Variants in SORBS3 observed in about 807,000 individuals in gnomAD.
The protein encoded by SORBS3 is vinexin.
Under a neutral mutation model 98.0 loss-of-function variants are expected in SORBS3, and 69 were observed. The ratio of observed to expected loss-of-function variants is 0.70; its 90% confidence interval spans 0.58 to 0.86. SORBS3 has a LOEUF of 0.86. Among genes scored for constraint, SORBS3 ranks in the 40% least tolerant of loss-of-function variants. The pLI is 0.00. For missense variants in SORBS3, 954 were observed against 908.5 expected (o/e 1.05, Z -0.64); for synonymous variants, 394 against 355.4 (o/e 1.11, Z -1.22).
At chr8:22,551,538 G>C (rs187939607), upstream of SORBS3, among the ~76,000 whole-genome samples, 1,201 of 152,176 alleles carry the variant, frequency 7.9e-3, 21 homozygotes, top group African/African-American at 0.027. This position sits in a 1 kb window ranked among gnomAD's most constrained non-coding sequence, Gnocchi z 5.8. Flanking sequence ...AGTGGCCCGT[G>C]TCGGGCCGCC....
At chr8:22,567,842 CTCTT>C (rs1379175377) in intron 16 of SORBS3, among the ~76,000 whole-genome samples, 1 of 140,220 alleles carries the variant, frequency 7.1e-6, no homozygotes, top group African/African-American at 2.7e-5. Flanking sequence ...GTGATGTCTT[CTCTT>C]TCTTTTTTTT....
At chr8:22,558,246 G>A (rs1840225563) in intron 5 of SORBS3, 54 bp downstream of exon 5, 2 of 1,537,058 alleles carry the variant, frequency 1.3e-6, no homozygotes, top group African/African-American at 1.4e-5. Context: ...TGGCCCCTGG[G>A]GCTTGGAGAG....
chr8:22,551,171 C>T (rs1840073315), upstream of SORBS3, among the ~76,000 whole-genome samples: 1 of 151,992 alleles, frequency 6.6e-6, no homozygotes, highest in African/African-American at 2.4e-5. This position sits in a 1 kb window ranked among gnomAD's most constrained non-coding sequence, Gnocchi z 5.8. Context: ...GCGGCACGCC[C>T]GGGGGGGCCG....
chr8:22,564,438 C>G, intron 9 of SORBS3, 30 bp from the exon 10 acceptor site: 1 of 1,614,078 alleles, frequency 6.2e-7, no homozygotes, highest in Non-Finnish European at 8.5e-7. Context: ...GTGAGTTCAC[C>G]TGCTCTGACA....
At position 22,565,344 on chromosome 8, in the gene SORBS3, C is replaced by A; in HGVS notation, c.893C>A (p.Pro298Gln). 3 of 1,553,516 alleles carry A rather than the reference C, an allele frequency of 1.9e-6. No homozygotes were observed. Among genetic ancestry groups the A allele is most frequent in the Middle Eastern group, 1.7e-4 (1 of 5,776 alleles). The change falls in exon 11 of 21, where the codon CCG (proline) becomes CAG (glutamine). Residue 298 changes from proline to glutamine, a missense_variant. Physicochemically the swap from Pro to Gln is moderately conservative, Grantham distance 76. Coordinates refer to ENST00000240123, the MANE Select transcript of SORBS3 (RefSeq NM_005775.5). ...KDLRAIETRLPSPKSSPAPRR... is the reference protein window; with the variant it reads ...KDLRAIETRLQSPKSSPAPRR... ...CTGCGGGCAATTGAGACCCGACTGC[C>A]GTCCCCCAAGGTACCAGCCCCCAGG...
Position 22,574,810 on chromosome 8 carries a change from CAT to C in SORBS3, c.*83_*84del. The C allele has an allele frequency of 3.8e-6, 5 of 1,332,102 alleles. No individual in the cohort carries two copies. The highest frequency in any genetic ancestry group is 5.4e-6 in the Non-Finnish European group (5 of 924,578). The allele number at this position is 1,332,102 out of a possible 1,614,324, so 82.5% of individuals were successfully genotyped here. A position where few individuals can be genotyped will look rare whatever the true frequency, so the allele number is the denominator to read the frequency against. On this transcript the variant is annotated 3_prime_UTR_variant, in exon 21 of 21. Coordinates refer to ENST00000240123, the MANE Select transcript of SORBS3 (RefSeq NM_005775.5). ...GTGGGAGGGAGAGGACCCCCGCCCA[CAT>C]CCTCCTTCCCCAGGACCTGAGCTCC...
In SORBS3 at chr8:22,569,171, T is replaced by G. The variant is rs774997360; in HGVS notation, c.1329T>G (p.Pro443=). 3 of 1,610,500 alleles carry G rather than the reference T, an allele frequency of 1.9e-6. No homozygotes were observed. The highest frequency in any genetic ancestry group is 2.5e-6 in the Non-Finnish European group (3 of 1,178,212). Residue 443 remains proline, a synonymous_variant, in exon 17 of 21, where the codon CCT becomes CCG. Transcript: ENST00000240123. ...YVEVLPADEI[P]KPIKPPTYQV... is the part of the protein sequence containing the mutation. ...AGGTGCTGCCCGCAGATGAGATCCC[T>G]AAGCCCATCAAGCCCCCGACCTACC...
Position 22,565,885 on chromosome 8 carries a change from C to T in SORBS3, c.950+13C>T. ...GGCCCCCGGCCGGGTGAGTGGGAGACGCGGGAGGAGGAAGGGGGCTGTCCC... is the reference window on the plus strand; with the variant it reads ...GGCCCCCGGCCGGGTGAGTGGGAGATGCGGGAGGAGGAAGGGGGCTGTCCC... On this transcript the variant is annotated intron_variant, in intron 12 of 20. Coordinates refer to ENST00000240123, the MANE Select transcript of SORBS3 (RefSeq NM_005775.5). 1.0e-5 allele frequency: 13 copies of T among 1,249,500 alleles called. No individual in the cohort carries two copies. Among genetic ancestry groups the T allele is most frequent in the South Asian group, 3.0e-5 (1 of 33,672 alleles). 77.4% of individuals were successfully genotyped at this position (1,249,500 alleles called of 1,614,324 possible). A position where few individuals can be genotyped will look rare whatever the true frequency, so the allele number is the denominator to read the frequency against.
chr8:22,565,234 T>G, intron 10 of SORBS3, 34 bp from the exon 11 acceptor site: 1 of 1,525,392 alleles, frequency 6.6e-7, no homozygotes, highest in Non-Finnish European at 8.9e-7. Flanking sequence ...CACGGTGCGC[T>G]GCCCCTCACT....
At position 22,556,781 on chromosome 8, in the gene SORBS3, C is replaced by T; in HGVS notation, c.287C>T (p.Ala96Val). Residue 96 changes from alanine to valine, a missense_variant, in exon 4 of 21, where the codon GCC (alanine) becomes GTC (valine). Transcript: ENST00000240123. ...CCCTCTGCAAGCACAAAGATCCCTG[C>T]CTCCCAGCACACCCAGAACTGGTCA... is the stretch of plus-strand genomic sequence containing the variant. The part of the protein sequence containing the change: ...SKPSASTKIP[A>V]SQHTQNWSAT... 6.2e-7 allele frequency: 1 copy of T among 1,613,828 alleles called. No homozygotes were observed. The highest frequency in any genetic ancestry group is 8.5e-7 in the Non-Finnish European group (1 of 1,180,040).
chr8:22,566,960 C>A, intron 15 of SORBS3, 92 bp downstream of exon 15: 3 of 1,555,710 alleles, frequency 1.9e-6, no homozygotes, highest in Non-Finnish European at 2.6e-6. Context: ...CAGTGGGCAT[C>A]CCCAAGGGGT....
At chr8:22,572,565 C>T (rs890502308) in intron 20 of SORBS3, 119 bp downstream of exon 20, 34 of 810,430 alleles carry the variant, frequency 4.2e-5, no homozygotes, top group Non-Finnish European at 6.2e-5. Flanking sequence ...GACTCAGCTT[C>T]CGGCCGGGCT....
chr8:22,547,713 G>A (rs149877140), upstream of SORBS3, among the ~76,000 whole-genome samples: 7 of 152,264 alleles, frequency 4.6e-5, no homozygotes, highest in East Asian at 1.3e-3. Flanking sequence ...CTACTTTCTA[G>A]AGCTGACAGC....
intron 1 of SORBS3, among the ~76,000 whole-genome samples, chr8:22,546,808 A>G (rs1420298222): frequency 1.3e-5 from 2 of 152,218 alleles, no homozygotes; most frequent in Non-Finnish European, 2.9e-5. Context: ...TAGCCTTTTC[A>G]TGCCTCTGAA....
At chr8:22,546,406 C>T (rs892487118) in intron 1 of SORBS3, among the ~76,000 whole-genome samples, 1 of 152,154 alleles carries the variant, frequency 6.6e-6, no homozygotes, top group Non-Finnish European at 1.5e-5. Flanking sequence ...AGGAATTCCC[C>T]TCCCAAGGGA....
intron 7 of SORBS3, among the ~76,000 whole-genome samples, chr8:22,562,554 CATT>C (rs1463516480): frequency 6.6e-6 from 1 of 152,200 alleles, no homozygotes; most frequent in Non-Finnish European, 1.5e-5. Flanking sequence ...GGACTCGTCT[CATT>C]AGCATGGCTG....
intron 6 of SORBS3, 200 bp downstream of exon 6, chr8:22,561,573 ACG>A (rs753310929): frequency 7.9e-6 from 5 of 634,380 alleles, no homozygotes; most frequent in Non-Finnish European, 1.4e-5. Context: ...TGCACGGGGA[ACG>A]CGCGCTCTGC....
In SORBS3 at chr8:22,569,248, T is replaced by C; in HGVS notation, c.1406T>C (p.Leu469Pro). ...AVAQYTFKGD[L>P]EVELSFRKGE... is the part of the protein sequence containing the mutation. ...GCCCAGTACACCTTCAAGGGGGACC[T>C]GGAGGTGGAGCTGTCCTTCCGCAAG... is the stretch of plus-strand genomic sequence containing the variant. The change falls in exon 17 of 21, where the codon CTG becomes CCG. Residue 469 changes from leucine to proline, a missense_variant. By Grantham distance (98) the Leu-to-Pro change is moderately conservative. Transcript: ENST00000240123. 2 of 1,600,522 alleles carry C rather than the reference T, an allele frequency of 1.2e-6. No homozygotes were observed. Among genetic ancestry groups the C allele is most frequent in the Admixed American group, 1.7e-5 (1 of 58,448 alleles).
rs751844555 is a variant in SORBS3, at chr8:22,567,184, GA to G, written c.1305+10del. ...CTGCTAATTATGTGGAGGTGAGCAG[GA>G]GAGACAAGAGCAAGTGGGGCTGGGC... On this transcript the variant is annotated intron_variant, in intron 16 of 20. Transcript: ENST00000240123. The G allele has an allele frequency of 6.5e-6, 10 of 1,543,112 alleles. No individual in the cohort carries two copies. In the Admixed American group the frequency reaches 1.0e-4, roughly 16 times the overall value.
Sources: allele counts gnomAD v4.1 joint callset (sites outside exome capture counted in the v4.1 genomes callset), GRCh38; gene constraint gnomAD v4.1.1; non-coding constraint Gnocchi (gnomAD v3.1); transcripts MANE v1.5; gene names NCBI Gene and HGNC (gene_info 2026-07-23, HGNC 2026-07-21).